ADAMTSL1: variants seen among roughly 807,000 people sequenced by gnomAD.
ADAMTSL1 encodes ADAMTS like 1.
In ADAMTSL1, 126 loss-of-function variants were observed where a neutral mutation model predicts 201.8. The observed-to-expected ratio is 0.62, with a 90% CI of 0.54 to 0.72. The LOEUF is 0.72. Among genes scored for constraint, ADAMTSL1 ranks in the 30% least tolerant of loss-of-function variants. The pLI is 0.00. For synonymous variants in ADAMTSL1, 1,121 were observed against 903.4 expected (o/e 1.24, Z -4.32); for missense variants, 2,679 against 2,277.8 (o/e 1.18, Z -3.59).
intron 1 of ADAMTSL1, among the ~76,000 whole-genome samples, chr9:18,503,889 A>G (rs1822982025): frequency 6.6e-6 from 1 of 152,128 alleles, no homozygotes; most frequent in African/African-American, 2.4e-5. Context: ...GGATCCCATT[A>G]CTACAAAATA....
At chr9:18,595,603 G>T (rs181388957) in intron 4 of ADAMTSL1, among the ~76,000 whole-genome samples, 1 of 152,224 alleles carries the variant, frequency 6.6e-6, no homozygotes, top group Non-Finnish European at 1.5e-5. Context: ...CAGGCTTGAC[G>T]TATGGACAAG....
intron 2 of ADAMTSL1, among the ~76,000 whole-genome samples, chr9:18,176,693 C>T (rs1416964416): frequency 6.6e-6 from 1 of 152,092 alleles, no homozygotes; most frequent in Admixed American, 6.5e-5. Context: ...TTACTCAGCA[C>T]CATAGTATAG....
chr9:18,353,460 T>C (rs1563907242), intron 2 of ADAMTSL1, among the ~76,000 whole-genome samples: 1 of 152,222 alleles, frequency 6.6e-6, no homozygotes. Context: ...ATAATATTTA[T>C]GGAGGCTAAA....
chr9:18,734,024 G>A (rs1459220247), intron 15 of ADAMTSL1, among the ~76,000 whole-genome samples: 1 of 152,018 alleles, frequency 6.6e-6, no homozygotes, highest in Non-Finnish European at 1.5e-5. Context: ...TGAGAGCATG[G>A]GCTTATAAGT....
chr9:17,947,412 G>T (rs931141515), intron 1 of ADAMTSL1, among the ~76,000 whole-genome samples: 1 of 151,362 alleles, frequency 6.6e-6, no homozygotes, highest in African/African-American at 2.4e-5. Context: ...CACAGTTTGG[G>T]CACAATTTCA....
chr9:18,859,195 C>T (rs1168021746), intron 23 of ADAMTSL1, among the ~76,000 whole-genome samples: 1 of 152,138 alleles, frequency 6.6e-6, no homozygotes, highest in Non-Finnish European at 1.5e-5. Context: ...TCTTACTGGG[C>T]TAAAATCAAG....
chr9:18,211,673 T>C (rs2132318482), intron 2 of ADAMTSL1, among the ~76,000 whole-genome samples: 1 of 152,262 alleles, frequency 6.6e-6, no homozygotes, highest in Non-Finnish European at 1.5e-5. Context: ...CCCTTAAAAA[T>C]CCTTCTTTTA....
At chr9:18,639,436 T>C in intron 7 of ADAMTSL1, 25 bp downstream of exon 7, 1 of 1,601,426 alleles carries the variant, frequency 6.2e-7, no homozygotes, top group Non-Finnish European at 8.5e-7. Flanking sequence ...GATACCTCCT[T>C]TTCAAGCCAC....
chr9:18,196,357 G>T (rs1045698984), intron 2 of ADAMTSL1, among the ~76,000 whole-genome samples: 1 of 152,036 alleles, frequency 6.6e-6, no homozygotes, highest in Non-Finnish European at 1.5e-5. Context: ...TAAAAGAGGA[G>T]TCCATGAAAG....
intron 2 of ADAMTSL1, among the ~76,000 whole-genome samples, chr9:18,321,623 C>A (rs1207960052): frequency 6.6e-6 from 1 of 152,118 alleles, no homozygotes; most frequent in African/African-American, 2.4e-5. Context: ...GAAACCACAT[C>A]TCTACCAGAA....
At chr9:18,346,673 T>A (rs1835732125) in intron 2 of ADAMTSL1, among the ~76,000 whole-genome samples, 1 of 152,166 alleles carries the variant, frequency 6.6e-6, no homozygotes, top group South Asian at 2.1e-4. Context: ...GCCTTCGATT[T>A]TGGCTAGTTG....
chr9:18,164,921 A>G (rs960602726), intron 2 of ADAMTSL1, among the ~76,000 whole-genome samples: 1 of 151,612 alleles, frequency 6.6e-6, no homozygotes, highest in Non-Finnish European at 1.5e-5. Flanking sequence ...TGTTTTTGTC[A>G]TTTACATTTT....
intron 19 of ADAMTSL1, among the ~76,000 whole-genome samples, chr9:18,792,573 A>C (rs1362612185): frequency 6.6e-6 from 1 of 152,228 alleles, no homozygotes; most frequent in Non-Finnish European, 1.5e-5. Context: ...GGTGAAATTG[A>C]ATAGTGATCT....
At chr9:17,983,543 G>T (rs1818809044) in intron 1 of ADAMTSL1, among the ~76,000 whole-genome samples, 1 of 152,170 alleles carries the variant, frequency 6.6e-6, no homozygotes, top group African/African-American at 2.4e-5. Context: ...ATAACTCTAT[G>T]TGGTTAGTTT....
intron 1 of ADAMTSL1, among the ~76,000 whole-genome samples, chr9:17,932,806 A>G (rs2772688): frequency 6.6e-6 from 1 of 152,146 alleles, no homozygotes; most frequent in East Asian, 1.9e-4. Flanking sequence ...GAAACAAATA[A>G]AAGTCAATTG....
At chr9:18,474,105 T>C (rs1821330783), upstream of ADAMTSL1, 2 of 591,174 alleles carry the variant, frequency 3.4e-6, no homozygotes, top group South Asian at 3.7e-5. Context: ...TCAGGAAATG[T>C]GAGAGGGGCT....
rs940679064 is a variant in ADAMTSL1, at chr9:18,238,388, C to T, written c.207+74407C>T. ...GAGGAGGAGGAGGAAATGCCAAGTTCGAATCACATCCCTTTGTGCAGGCAG... is the reference window on the plus strand; with the variant it reads ...GAGGAGGAGGAGGAAATGCCAAGTTTGAATCACATCCCTTTGTGCAGGCAG... On this transcript the variant is annotated intron_variant, in intron 2 of 29. Transcript: ENST00000680146. Among the ~76,000 whole-genome samples the T allele has an allele frequency of 5.3e-5, 8 of 152,056 alleles. No individual in the cohort carries two copies. The South Asian group carries it at 1.0e-3, about 20-fold the overall frequency.
chr9:18,118,169 A>G (rs901614620), intron 1 of ADAMTSL1, among the ~76,000 whole-genome samples: 2 of 152,208 alleles, frequency 1.3e-5, no homozygotes, highest in African/African-American at 4.8e-5. Context: ...AATCACTTGC[A>G]TCTTGATTAA....
intron 1 of ADAMTSL1, among the ~76,000 whole-genome samples, chr9:18,058,550 A>G (rs1822300264): frequency 1.3e-5 from 2 of 152,172 alleles, no homozygotes; most frequent in Non-Finnish European, 2.9e-5. Flanking sequence ...AATGATTATA[A>G]CTATAAACGA....
Sources: gnomAD v4.1 joint callset for allele counts (sites outside exome capture counted in the v4.1 genomes callset) on GRCh38, gnomAD v4.1.1 for gene constraint, MANE v1.5 for transcripts, NCBI Gene and HGNC (gene_info 2026-07-23, HGNC 2026-07-21) for gene names.